Variants in DNAAF11 observed in about 807,000 individuals in gnomAD.
DNAAF11 encodes the protein dynein axonemal assembly factor 11, also known as leucine rich repeat containing 6.
In DNAAF11, 45 loss-of-function variants were observed where a neutral mutation model predicts 60.8. The observed-to-expected ratio is 0.74, with a 90% CI of 0.58 to 0.95. DNAAF11 has a LOEUF of 0.95. Among genes scored for constraint, DNAAF11 ranks in the 40% least tolerant of loss-of-function variants. The pLI, the probability that DNAAF11 is intolerant of heterozygous loss-of-function variation, is 0.00. For missense variants in DNAAF11, 546 were observed against 546.2 expected (o/e 1.00, Z 0.00); for synonymous variants, 191 against 183.5 (o/e 1.04, Z -0.33).
At position 132,584,132 on chromosome 8, in the gene DNAAF11, G is replaced by T. The variant is rs531453491; in HGVS notation, c.1141-353C>A. 6.6e-5 allele frequency among the ~76,000 whole-genome samples: 10 copies of T among 152,260 alleles called. No individual in the cohort carries two copies. In the South Asian group the frequency reaches 1.5e-3, roughly 22 times the overall value. On this transcript the variant is annotated intron_variant, in intron 10 of 11. Transcript: ENST00000620350. ...GTGATGGAAACACTGCCTTTGGGGT[G>T]CTCCTAGTGGAAAGTGGAAAGCACT...
At chr8:132,591,048 C>T (rs1190595213) in intron 10 of DNAAF11, among the ~76,000 whole-genome samples, 1 of 152,100 alleles carries the variant, frequency 6.6e-6, no homozygotes, top group Non-Finnish European at 1.5e-5. Context: ...TACCCATGTA[C>T]ATAAATTGTA....
At chr8:132,597,657 A>G (rs1208973460) in intron 10 of DNAAF11, among the ~76,000 whole-genome samples, 1 of 152,246 alleles carries the variant, frequency 6.6e-6, no homozygotes, top group East Asian at 1.9e-4. Flanking sequence ...GATGCCCATG[A>G]TTTGGAAAAG....
chr8:132,675,354 G>C, intron 1 of DNAAF11, 130 bp downstream of exon 1: 2 of 958,660 alleles, frequency 2.1e-6, no homozygotes, highest in Non-Finnish European at 3.1e-6. Context: ...AGGGCCGGGT[G>C]GGGTTAGGGT....
chr8:132,636,459 C>T (rs1363015886), intron 4 of DNAAF11, among the ~76,000 whole-genome samples: 2 of 152,186 alleles, frequency 1.3e-5, no homozygotes, highest in East Asian at 3.8e-4. Context: ...ACTTCCTCAT[C>T]TCTGAATGTA....
intron 3 of DNAAF11, among the ~76,000 whole-genome samples, chr8:132,645,454 C>T (rs534446940): frequency 2.0e-5 from 3 of 152,278 alleles, no homozygotes; most frequent in East Asian, 3.9e-4. Flanking sequence ...CGCAGCTCCT[C>T]GCCAGCAACG....
the DNAAF11 span, chr8:132,687,463 T>G: frequency 2.7e-6 from 1 of 363,770 alleles, no homozygotes; most frequent in Non-Finnish European, 5.4e-6. Flanking sequence ...TTCTTATACC[T>G]TGATGATGCC....
intron 4 of DNAAF11, among the ~76,000 whole-genome samples, chr8:132,637,437 C>G (rs573562404): frequency 6.6e-6 from 1 of 152,278 alleles, no homozygotes; most frequent in African/African-American, 2.4e-5. Flanking sequence ...GAAACCACAT[C>G]TCTACTAAAA....
the DNAAF11 span, among the ~76,000 whole-genome samples, chr8:132,692,484 G>T: frequency 2.0e-5 from 3 of 152,196 alleles, no homozygotes; most frequent in Admixed American, 2.0e-4. Flanking sequence ...ACTGCATGCA[G>T]CCAGGCACAG....
intron 7 of DNAAF11, among the ~76,000 whole-genome samples, chr8:132,619,468 A>G (rs1349022532): frequency 6.6e-6 from 1 of 151,890 alleles, no homozygotes; most frequent in Non-Finnish European, 1.5e-5. Context: ...TTAAAAAAAA[A>G]GAAGGATGGT....
chr8:132,696,757 G>C, the DNAAF11 span, among the ~76,000 whole-genome samples: 1 of 152,160 alleles, frequency 6.6e-6, no homozygotes, highest in East Asian at 1.9e-4. Context: ...AATGGAGCTG[G>C]AGGCCATTAT....
At chr8:132,658,894 A>G (rs1262148946) in intron 2 of DNAAF11, among the ~76,000 whole-genome samples, 1 of 152,164 alleles carries the variant, frequency 6.6e-6, no homozygotes, top group South Asian at 2.1e-4. Context: ...AGGCTCTGTA[A>G]GTCAAAATGG....
intron 2 of DNAAF11, among the ~76,000 whole-genome samples, 160 bp from the exon 3 acceptor site, chr8:132,657,067 G>A (rs200292972): frequency 6.6e-6 from 1 of 152,230 alleles, no homozygotes; most frequent in East Asian, 1.9e-4. Context: ...CAGACACGGT[G>A]GCTGCCTAAG....
At chr8:132,672,497 T>C (rs1393939377) in intron 1 of DNAAF11, among the ~76,000 whole-genome samples, 2 of 152,154 alleles carry the variant, frequency 1.3e-5, no homozygotes, top group Non-Finnish European at 1.5e-5. Flanking sequence ...ATAGCAAACA[T>C]ACACAAGAGT....
chr8:132,668,272 C>T (rs189264843), intron 1 of DNAAF11, among the ~76,000 whole-genome samples: 13 of 152,302 alleles, frequency 8.5e-5, no homozygotes, highest in Non-Finnish European at 7.3e-5. Context: ...CGTACTATAT[C>T]CCAATCTAGT....
At chr8:132,583,135 C>T (rs913040796) in intron 11 of DNAAF11, among the ~76,000 whole-genome samples, 2 of 152,034 alleles carry the variant, frequency 1.3e-5, no homozygotes, top group Admixed American at 1.3e-4. Context: ...GGAATTTAAG[C>T]AAAAGCCAGA....
chr8:132,572,937 C>A lies in DNAAF11; in HGVS notation c.1227-457G>T, dbSNP rs181558035. On this transcript the variant is annotated intron_variant, in intron 11 of 11. Transcript: ENST00000620350. ...CAGGGGTTTGGCAGGGGCATCTACA[C>A]GGCAAGTTCAGGTGCATAGTAAAGT... Among the ~76,000 whole-genome samples, 696 of 152,210 alleles carry A rather than the reference C, an allele frequency of 4.6e-3. 3 individuals carry two copies. The highest frequency in any genetic ancestry group is 8.3e-3 in the Non-Finnish European group (563 of 68,002).
chr8:132,629,285 T>C (rs1820570051), intron 5 of DNAAF11, among the ~76,000 whole-genome samples: 1 of 151,918 alleles, frequency 6.6e-6, no homozygotes, highest in Non-Finnish European at 1.5e-5. Context: ...GATGAGAAAT[T>C]GCACACATTC....
chr8:132,637,129 T>C (rs1390224668), intron 4 of DNAAF11, among the ~76,000 whole-genome samples: 1 of 152,196 alleles, frequency 6.6e-6, no homozygotes, highest in African/African-American at 2.4e-5. Flanking sequence ...GGGGATATGG[T>C]ATAAGAGTAA....
At chr8:132,685,194 T>A in the DNAAF11 span, 1 of 152,218 alleles carries the variant, frequency 6.6e-6, no homozygotes, top group South Asian at 2.1e-4. Context: ...CTTTATTCAG[T>A]TTTAGTGTTA....
Sources: allele counts gnomAD v4.1 joint callset (sites outside exome capture counted in the v4.1 genomes callset), GRCh38; gene constraint gnomAD v4.1.1; transcripts MANE v1.5; gene names NCBI Gene and HGNC (gene_info 2026-07-23, HGNC 2026-07-21).